Variants in TNPO1 observed in about 807,000 individuals in gnomAD.
TNPO1 encodes the protein transportin 1.
A neutral mutation model predicts 119.5 loss-of-function variants in TNPO1; 8 were observed. The ratio of observed to expected loss-of-function variants is 0.07; its 90% CI spans 0.04 to 0.12. The LOEUF (loss-of-function observed/expected upper bound fraction) is 0.12, where lower values mean the gene tolerates loss of function less well. Among genes scored for constraint, TNPO1 ranks in the 10% least tolerant of loss-of-function variants. The pLI is 1.00. For synonymous variants in TNPO1, 362 were observed against 363.0 expected (o/e 1.00, Z 0.03); for missense variants, 576 against 1,089.8 (o/e 0.53, Z 6.64).
At chr5:72,820,516 ACTTTC>A (rs1489066812) in intron 1 of TNPO1, among the ~76,000 whole-genome samples, 2 of 152,184 alleles carry the variant, frequency 1.3e-5, no homozygotes, top group Admixed American at 6.5e-5. Context: ...ATACATTGTC[ACTTTC>A]ATGTACATTT....
intron 13 of TNPO1, 49 bp downstream of exon 13, chr5:72,888,352 A>C (rs761261148): frequency 6.6e-7 from 1 of 1,508,502 alleles, no homozygotes; most frequent in Admixed American, 1.7e-5. Flanking sequence ...GAAAAACTTA[A>C]TTTTCAACCT....
In TNPO1 at chr5:72,911,409, C is replaced by T. The variant is rs1298818042; in HGVS notation, c.*2736C>T. On this transcript the variant is annotated 3_prime_UTR_variant, in exon 25 of 25. Transcript: ENST00000337273. ...GGCAACCTGAATTTGAGTTGGGATT[C>T]TTTGTGTATTTTTCCCCCTTGAGGT... is the stretch of plus-strand genomic sequence containing the variant. The T allele has an allele frequency of 1.3e-5, 2 of 151,902 alleles. No homozygotes were observed. The highest frequency in any genetic ancestry group is 2.4e-5 in the African/African-American group (1 of 41,250). 9.4% of individuals were successfully genotyped at this position (151,902 alleles called of 1,614,324 possible).
At chr5:72,882,384 T>C in intron 9 of TNPO1, 83 bp from the exon 10 acceptor site, 4 of 989,968 alleles carry the variant, frequency 4.0e-6, no homozygotes, top group Middle Eastern at 2.3e-4. Flanking sequence ...TCATTGGTTT[T>C]ATTAGTACAT....
At chr5:72,818,400 G>A (rs530375817) in intron 1 of TNPO1, among the ~76,000 whole-genome samples, 10 of 151,966 alleles carry the variant, frequency 6.6e-5, no homozygotes, top group Non-Finnish European at 1.5e-4. Context: ...CTGTAGTTTT[G>A]CTTATTTATA....
intron 24 of TNPO1, among the ~76,000 whole-genome samples, chr5:72,906,984 G>GTT (rs113012401): frequency 6.6e-6 from 1 of 152,070 alleles, no homozygotes; most frequent in African/African-American, 2.4e-5. Context: ...AATTGGAGGA[G>GTT]TTTTTTTGGC....
At position 72,891,948 on chromosome 5, in the gene TNPO1, C is replaced by G. The variant is rs770558850; in HGVS notation, c.1788+52C>G. 6 of 1,366,624 alleles carry G rather than the reference C, an allele frequency of 4.4e-6. No homozygotes were observed. The African/African-American group carries it at 8.7e-5, about 20-fold the overall frequency. 84.7% of individuals were successfully genotyped at this position (1,366,624 alleles called of 1,614,324 possible). ...TGTTGCCAAGAACACATGTTCAAAT[C>G]CAAAATGGGTATATATGATAAGAAA... On this transcript the variant is annotated intron_variant, in intron 15 of 24. Transcript: ENST00000337273.
In TNPO1 at chr5:72,913,796, T is replaced by G. The variant is rs1476855767; in HGVS notation, c.*5123T>G. The G allele has an allele frequency of 1.3e-5, 2 of 152,612 alleles. No homozygotes were observed. Among genetic ancestry groups the G allele is most frequent in the African/African-American group, 4.8e-5 (2 of 41,468 alleles). 9.5% of individuals were successfully genotyped at this position (152,612 alleles called of 1,614,324 possible). A position where few individuals can be genotyped will look rare whatever the true frequency, so the allele number is the denominator to read the frequency against. ...GCATATTACTGTGTTGTTGTTTTCC[T>G]TTGTGGATATATAAGCAAATTGAGC... is the stretch of plus-strand genomic sequence containing the variant. On this transcript the variant is annotated 3_prime_UTR_variant, in exon 25 of 25. Transcript: ENST00000337273.
intron 6 of TNPO1, among the ~76,000 whole-genome samples, chr5:72,870,665 T>C (rs887937939): frequency 3.3e-5 from 5 of 152,328 alleles, no homozygotes; most frequent in Admixed American, 2.6e-4. Context: ...TCACACTGTT[T>C]CTTTTAATTT....
Position 72,891,890 on chromosome 5 carries a change from A to G in TNPO1, c.1782A>G (p.Leu594=), listed in dbSNP as rs1373592957. 6.2e-7 allele frequency: 1 copy of G among 1,611,012 alleles called. No individual in the cohort carries two copies. Among genetic ancestry groups the G allele is most frequent in the African/African-American group, 1.3e-5 (1 of 74,988 alleles). Reference sequence around the variant, plus strand: ...ATGAAGATAAAGATCTCTTCCCTTTACTTGAGGTATGCAGGGCTAGTAATA... The same window carrying G: ...ATGAAGATAAAGATCTCTTCCCTTTGCTTGAGGTATGCAGGGCTAGTAATA... ...LKDEDKDLFP[L]LECLSSVATA... Residue 594 remains leucine, a synonymous_variant, in exon 15 of 25, where the codon TTA becomes TTG. Transcript: ENST00000337273.
Position 72,900,147 on chromosome 5 carries a change from T to C in TNPO1, c.2414+66T>C, listed in dbSNP as rs745704677. 2.0e-4 allele frequency: 278 copies of C among 1,375,750 alleles called. No individual in the cohort carries two copies. In the Middle Eastern group the frequency reaches 2.9e-3, roughly 15 times the overall value. The allele number at this position is 1,375,750 out of a possible 1,614,324, so 85.2% of individuals were successfully genotyped here. On this transcript the variant is annotated intron_variant, in intron 21 of 24. Coordinates refer to ENST00000337273, the MANE Select transcript of TNPO1 (RefSeq NM_002270.4). ...CACTCTTTCTTTCTCTATCTCACTT[T>C]TAGATATATTTTCAGTTGGTTACAA...
intron 18 of TNPO1, among the ~76,000 whole-genome samples, chr5:72,895,663 A>T (rs2112470890): frequency 6.6e-6 from 1 of 152,222 alleles, no homozygotes; most frequent in East Asian, 1.9e-4. Flanking sequence ...TGATATTCTA[A>T]TTCTTCATTT....
intron 1 of TNPO1, among the ~76,000 whole-genome samples, chr5:72,830,954 C>T (rs535617905): frequency 6.6e-6 from 1 of 152,050 alleles, no homozygotes; most frequent in Non-Finnish European, 1.5e-5. Context: ...TAAACAGGCA[C>T]GCAGAATTAT....
chr5:72,901,200 A>C, intron 22 of TNPO1, 127 bp downstream of exon 22: 2 of 571,680 alleles, frequency 3.5e-6, no homozygotes, highest in Non-Finnish European at 5.8e-6. Flanking sequence ...TTAAACCTTT[A>C]AAATGTATAT....
chr5:72,878,681 T>G lies in TNPO1; in HGVS notation c.920+1335T>G, dbSNP rs1488432447. On this transcript the variant is annotated intron_variant, in intron 9 of 24. Coordinates refer to ENST00000337273, the MANE Select transcript of TNPO1 (RefSeq NM_002270.4). The stretch of plus-strand genomic sequence containing the variant: ...TACACTGACTGGATTTTTTTCTCTT[T>G]AGGAAATCTATTAATTGTTCTTCCT... The G allele has an allele frequency of 4.4e-5, 9 of 202,724 alleles. No individual in the cohort carries two copies. In the South Asian group the frequency reaches 6.8e-4, roughly 15 times the overall value. The allele number at this position is 202,724 out of a possible 1,614,324, so 12.6% of individuals were successfully genotyped here.
intron 5 of TNPO1, chr5:72,862,216 G>T (rs1746506016): frequency 5.3e-6 from 1 of 187,712 alleles, no homozygotes. Context: ...ATCAGTTAAA[G>T]ATAGAATGAA....
intron 16 of TNPO1, 33 bp from the exon 17 acceptor site, chr5:72,893,344 C>T: frequency 6.2e-7 from 1 of 1,607,116 alleles, no homozygotes; most frequent in Non-Finnish European, 8.5e-7. Flanking sequence ...TAATTAAAAC[C>T]AAACTTACAA....
intron 1 of TNPO1, among the ~76,000 whole-genome samples, chr5:72,823,468 T>G (rs1744072952): frequency 6.6e-6 from 1 of 152,156 alleles, no homozygotes; most frequent in African/African-American, 2.4e-5. Context: ...CCTCCATAGT[T>G]GCCATTTCAT....
At chr5:72,829,394 G>C (rs1744347070) in intron 1 of TNPO1, among the ~76,000 whole-genome samples, 1 of 152,194 alleles carries the variant, frequency 6.6e-6, no homozygotes, top group Non-Finnish European at 1.5e-5. Flanking sequence ...TATGACTTCT[G>C]CAAGAAGTCA....
At chr5:72,881,960 G>C (rs1346994389) in intron 9 of TNPO1, among the ~76,000 whole-genome samples, 1 of 152,074 alleles carries the variant, frequency 6.6e-6, no homozygotes, top group East Asian at 1.9e-4. Flanking sequence ...GGGACTTACT[G>C]TCTTCACTTC....
Sources: gnomAD v4.1 joint callset for allele counts (sites outside exome capture counted in the v4.1 genomes callset) on GRCh38, gnomAD v4.1.1 for gene constraint, MANE v1.5 for transcripts, NCBI Gene and HGNC (gene_info 2026-07-23, HGNC 2026-07-21) for gene names.